FAM163A: variants seen among roughly 807,000 people sequenced by gnomAD.
FAM163A encodes the protein protein FAM163A.
A neutral mutation model predicts 12.0 loss-of-function variants in FAM163A; 7 were observed. That is an observed-to-expected ratio of 0.58 (90% CI 0.33 to 1.10). The LOEUF (loss-of-function observed/expected upper bound fraction) is 1.10. Ranked by LOEUF, FAM163A falls within the 50% of genes least tolerant of loss-of-function variation. FAM163A has a pLI of 0.03. For synonymous variants in FAM163A, 101 were observed against 91.0 expected (o/e 1.11, Z -0.62); for missense variants, 202 against 218.6 (o/e 0.92, Z 0.48).
chr1:179,792,637 T>C (rs1691683975), intron 1 of FAM163A, among the ~76,000 whole-genome samples: 1 of 152,188 alleles, frequency 6.6e-6, no homozygotes, highest in South Asian at 2.1e-4. Context: ...TTGTGTTACC[T>C]TAGACAAATC....
At chr1:179,803,923 T>A (rs1454667715) in intron 1 of FAM163A, 1 of 149,652 alleles carries the variant, frequency 6.7e-6, no homozygotes, top group Non-Finnish European at 1.5e-5. Flanking sequence ...TAATGCCACA[T>A]GCCTTTGGTT....
intron 1 of FAM163A, among the ~76,000 whole-genome samples, chr1:179,765,391 C>A (rs2148070539): frequency 6.6e-6 from 1 of 152,352 alleles, no homozygotes; most frequent in East Asian, 1.9e-4. Flanking sequence ...CGGTTTGGGA[C>A]CACTCCATGG....
chr1:179,768,986 A>C (rs1017867095), intron 1 of FAM163A, among the ~76,000 whole-genome samples: 1 of 152,148 alleles, frequency 6.6e-6, no homozygotes, highest in African/African-American at 2.4e-5. Flanking sequence ...TATGCTTTTT[A>C]AAAAGACTTT....
intron 1 of FAM163A, among the ~76,000 whole-genome samples, chr1:179,807,481 G>A (rs535627276): frequency 1.7e-4 from 26 of 152,286 alleles, no homozygotes; most frequent in African/African-American, 5.3e-4. Flanking sequence ...AAAGCCAGCC[G>A]AGCGCCCTGC....
chr1:179,795,980 T>TATTATTATTA (rs1553226055), intron 1 of FAM163A, among the ~76,000 whole-genome samples: 3 of 150,676 alleles, frequency 2.0e-5, no homozygotes, highest in Non-Finnish European at 3.0e-5. Context: ...TTATTATTAT[T>TATTATTATTA]TTACAACTGT....
intron 1 of FAM163A, among the ~76,000 whole-genome samples, chr1:179,753,298 A>T (rs542169722): frequency 5.3e-4 from 81 of 152,336 alleles, no homozygotes; most frequent in African/African-American, 1.9e-3. Flanking sequence ...GTGATTGCCC[A>T]GGGCTAGGGA....
chr1:179,739,870 T>C (rs1683424271), upstream of FAM163A, among the ~76,000 whole-genome samples: 3 of 152,216 alleles, frequency 2.0e-5, no homozygotes, highest in South Asian at 6.2e-4. Context: ...TCATTATACA[T>C]GTATAAGAAT....
intron 1 of FAM163A, among the ~76,000 whole-genome samples, chr1:179,765,049 T>C (rs548966474): frequency 6.6e-6 from 1 of 152,352 alleles, no homozygotes; most frequent in South Asian, 2.1e-4. Flanking sequence ...TTAGATTTCA[T>C]CTCAGTGCCC....
At chr1:179,730,588 C>T in the FAM163A span, among the ~76,000 whole-genome samples, 71 of 152,306 alleles carry the variant, frequency 4.7e-4, no homozygotes, top group South Asian at 4.8e-3. Context: ...CTGAAATTAA[C>T]GCCTTTGTTG....
chr1:179,778,732 CTGCAGTGGTG>C (rs1376952682), intron 1 of FAM163A, among the ~76,000 whole-genome samples: 1 of 151,986 alleles, frequency 6.6e-6, no homozygotes, highest in African/African-American at 2.4e-5. Context: ...ACTCAAAGGC[CTGCAGTGGTG>C]TGCAGTTGAC....
At chr1:179,765,677 A>ATTTTTTTTTTTTTTTTTTT (rs749528573) in intron 1 of FAM163A, among the ~76,000 whole-genome samples, 1 of 127,230 alleles carries the variant, frequency 7.9e-6, no homozygotes. Flanking sequence ...AGCTTTGGGA[A>ATTTTTTTTTTTTTTTTTTT]TTTTTTTTTT....
chr1:179,794,628 A>G (rs1458851739), intron 1 of FAM163A, among the ~76,000 whole-genome samples: 5 of 152,188 alleles, frequency 3.3e-5, no homozygotes, highest in African/African-American at 4.8e-5. Context: ...GTGAGGGCTT[A>G]TGTGGTGCTT....
chr1:179,807,984 G>A (rs1305589062), intron 2 of FAM163A, 96 bp downstream of exon 2: 1 of 152,430 alleles, frequency 6.6e-6, no homozygotes, highest in Non-Finnish European at 1.5e-5. Context: ...GTCACAGAGG[G>A]AAGGCCCTTA....
chr1:179,774,303 C>T (rs1210362495), intron 1 of FAM163A, among the ~76,000 whole-genome samples: 1 of 152,246 alleles, frequency 6.6e-6, no homozygotes. Context: ...GTGCTGCAGG[C>T]AGCCAGGCCT....
At chr1:179,788,832 C>T (rs1287690325) in intron 1 of FAM163A, among the ~76,000 whole-genome samples, 1 of 152,230 alleles carries the variant, frequency 6.6e-6, no homozygotes, top group African/African-American at 2.4e-5. Context: ...CCTTCCAGTG[C>T]AAGGTCCAAC....
intron 1 of FAM163A, among the ~76,000 whole-genome samples, chr1:179,765,677 ATTTTT>A (rs749528573): frequency 1.7e-3 from 221 of 127,200 alleles, no homozygotes; most frequent in African/African-American, 6.3e-3. Flanking sequence ...AGCTTTGGGA[ATTTTT>A]TTTTTTTTTT....
Position 179,776,256 on chromosome 1 carries a change from G to T in FAM163A, c.-135-31542G>T, listed in dbSNP as rs114856049. On this transcript the variant is annotated intron_variant, in intron 1 of 4. Transcript: ENST00000341785. ...CACCTGTAATACCGGCACTTTGTTG[G>T]GTGGCCGAGGTGAGCTGATCATTTG... Among the ~76,000 whole-genome samples the T allele has an allele frequency of 7.7e-3, 1,175 of 152,130 alleles. 20 individuals are homozygous for T. Among genetic ancestry groups the T allele is most frequent in the African/African-American group, 0.026 (1,095 of 41,484 alleles).
chr1:179,768,898 C>A (rs1433788232), intron 1 of FAM163A, among the ~76,000 whole-genome samples: 1 of 151,518 alleles, frequency 6.6e-6, no homozygotes. Flanking sequence ...GCCACTGCAC[C>A]CGGCCTGGAC....
chr1:179,756,108 G>C (rs1201071135), intron 1 of FAM163A, among the ~76,000 whole-genome samples: 1 of 152,158 alleles, frequency 6.6e-6, no homozygotes, highest in Non-Finnish European at 1.5e-5. Context: ...CAAAATACTA[G>C]ATGTGATCCA....
Sources: allele counts gnomAD v4.1 joint callset (sites outside exome capture counted in the v4.1 genomes callset), GRCh38; gene constraint gnomAD v4.1.1; transcripts MANE v1.5; gene names NCBI Gene and HGNC (gene_info 2026-07-23, HGNC 2026-07-21).